NLN: variants seen among roughly 807,000 people sequenced by gnomAD.
The protein encoded by NLN is neurolysin.
NLN carries 64 observed loss-of-function variants against 79.9 expected under a neutral mutation model. That is an observed-to-expected ratio of 0.80 (90% CI 0.65 to 0.99). The LOEUF (loss-of-function observed/expected upper bound fraction) is 0.99. Among genes scored for constraint, NLN ranks in the 50% least tolerant of loss-of-function variants. The pLI is 0.00. For missense variants in NLN, 835 were observed against 858.7 expected (o/e 0.97, Z 0.34); for synonymous variants, 267 against 296.6 (o/e 0.90, Z 1.02).
intron 9 of NLN, chr5:65,792,931 C>T (rs1193517919): frequency 6.5e-6 from 3 of 462,856 alleles, no homozygotes; most frequent in Non-Finnish European, 1.2e-5. Flanking sequence ...AAATACTTTG[C>T]TTTTTCCTTT....
Position 65,822,935 on chromosome 5 carries a change from C to T in NLN, c.*20C>T, listed in dbSNP as rs762774252. Reference sequence around the variant, plus strand: ...CCGTGAACTGGGGATCTTTGGTAGCCGTCCATGTCTGGAGGACAAGTCGAC... The same window carrying T: ...CCGTGAACTGGGGATCTTTGGTAGCTGTCCATGTCTGGAGGACAAGTCGAC... On this transcript the variant is annotated 3_prime_UTR_variant, in exon 13 of 13. Coordinates refer to ENST00000380985, the MANE Select transcript of NLN (RefSeq NM_020726.5). The T allele has an allele frequency of 5.0e-6, 8 of 1,608,646 alleles. No individual in the cohort carries two copies. In the Admixed American group the frequency reaches 5.0e-5, roughly 10 times the overall value.
At chr5:65,777,083 G>T (rs759424939) in intron 3 of NLN, among the ~76,000 whole-genome samples, 9 of 152,316 alleles carry the variant, frequency 5.9e-5, no homozygotes, top group Non-Finnish European at 1.0e-4. Flanking sequence ...TTTGTGGTAA[G>T]AAATATGTTT....
intron 4 of NLN, among the ~76,000 whole-genome samples, chr5:65,779,243 C>T (rs1012013602): frequency 2.6e-5 from 4 of 152,252 alleles, no homozygotes; most frequent in South Asian, 2.1e-4. Flanking sequence ...CAAGAATTTG[C>T]GTTTCTAACA....
rs1760828428 is a variant in NLN at position 65,822,718 on chromosome 5, A to T, written c.1981-63A>T. 2.4e-6 allele frequency: 3 copies of T among 1,268,188 alleles called. No individual in the cohort carries two copies. In the East Asian group the frequency reaches 6.9e-5, roughly 29 times the overall value. The allele number at this position is 1,268,188 out of a possible 1,614,324, so 78.6% of individuals were successfully genotyped here. A position where few individuals can be genotyped will look rare whatever the true frequency, so the allele number is the denominator to read the frequency against. On this transcript the variant is annotated intron_variant, in intron 12 of 12. Coordinates refer to ENST00000380985, the MANE Select transcript of NLN (RefSeq NM_020726.5). ...TCACCCCTACCCTCTCCTCTTTTGC[A>T]TCTAGAGATTTGGAAAATTGCTAGA...
intron 11 of NLN, among the ~76,000 whole-genome samples, chr5:65,811,527 T>A (rs535712674): frequency 6.6e-6 from 1 of 151,670 alleles, no homozygotes; most frequent in South Asian, 2.1e-4. Flanking sequence ...GGTGAAAAGT[T>A]CTTTTTCAGG....
intron 3 of NLN, among the ~76,000 whole-genome samples, chr5:65,776,898 A>G (rs1162807216): frequency 6.6e-6 from 1 of 152,202 alleles, no homozygotes; most frequent in Non-Finnish European, 1.5e-5. Context: ...AAATGACAGT[A>G]AGGCATTTTT....
intron 2 of NLN, among the ~76,000 whole-genome samples, chr5:65,761,532 T>A (rs564933596): frequency 9.9e-4 from 151 of 152,250 alleles, no homozygotes; most frequent in African/African-American, 3.2e-3. Flanking sequence ...CCTCAGATGA[T>A]CCACCTGCCT....
At chr5:65,822,532 T>C (rs1760825457) in intron 12 of NLN, among the ~76,000 whole-genome samples, 1 of 152,232 alleles carries the variant, frequency 6.6e-6, no homozygotes, top group Admixed American at 6.5e-5. Flanking sequence ...GTCAGCTCAC[T>C]GCTTAGAATC....
At chr5:65,758,889 T>C in intron 2 of NLN, 63 bp downstream of exon 2, 1 of 1,434,012 alleles carries the variant, frequency 7.0e-7, no homozygotes, top group Non-Finnish European at 9.6e-7. Flanking sequence ...CATTTCATGC[T>C]TTCTGTCTTT....
In NLN at chr5:65,810,074, T is replaced by C. The variant is rs1760510472; in HGVS notation, c.1752T>C (p.Val584=). The change falls in exon 11 of 13, where the codon GTT becomes GTC. Residue 584 remains valine (V), a synonymous_variant. Transcript: ENST00000380985. ...LTLRQIVLSK[V]DQSLHTNTSL... Reference sequence around the variant, plus strand: ...TGCGCCAGATTGTTTTGAGCAAAGTTGATCAGTCTCTTCATACCAACACAT... The same window carrying C: ...TGCGCCAGATTGTTTTGAGCAAAGTCGATCAGTCTCTTCATACCAACACAT... 2 of 1,613,996 alleles carry C rather than the reference T, an allele frequency of 1.2e-6. No individual in the cohort carries two copies. Among genetic ancestry groups the C allele is most frequent in the African/African-American group, 2.7e-5 (2 of 74,946 alleles).
chr5:65,727,242 A>G (rs998415234), intron 1 of NLN, among the ~76,000 whole-genome samples: 3 of 152,282 alleles, frequency 2.0e-5, no homozygotes, highest in African/African-American at 7.2e-5. Context: ...ATCATGGCTC[A>G]CTGCGGTCTC....
At chr5:65,760,313 A>T (rs1759311520) in intron 2 of NLN, among the ~76,000 whole-genome samples, 2 of 152,168 alleles carry the variant, frequency 1.3e-5, no homozygotes, top group Admixed American at 6.5e-5. Context: ...TCTCAATCTT[A>T]TTACACGTCT....
At chr5:65,745,902 G>A (rs1758966668) in intron 1 of NLN, among the ~76,000 whole-genome samples, 1 of 152,316 alleles carries the variant, frequency 6.6e-6, no homozygotes, top group South Asian at 2.1e-4. Context: ...GTACATACTG[G>A]TGATCGTCCT....
chr5:65,757,234 TAGAAG>T (rs1473269178), intron 1 of NLN, among the ~76,000 whole-genome samples: 2 of 152,168 alleles, frequency 1.3e-5, no homozygotes, highest in Non-Finnish European at 2.9e-5. Context: ...ATTGCTTTAT[TAGAAG>T]AGAATACAGT....
chr5:65,769,707 G>A (rs536073477), intron 3 of NLN, among the ~76,000 whole-genome samples: 2 of 152,276 alleles, frequency 1.3e-5, no homozygotes, highest in South Asian at 4.1e-4. Context: ...ATATAACCTT[G>A]ATTCCAATCT....
intron 1 of NLN, among the ~76,000 whole-genome samples, chr5:65,725,655 A>G (rs1483459360): frequency 1.3e-5 from 2 of 152,228 alleles, no homozygotes; most frequent in South Asian, 2.1e-4. Flanking sequence ...CCAAAATTCT[A>G]GTTTTCACTT....
intron 1 of NLN, among the ~76,000 whole-genome samples, chr5:65,731,960 A>G (rs958638175): frequency 6.6e-6 from 1 of 151,890 alleles, no homozygotes; most frequent in Non-Finnish European, 1.5e-5. Flanking sequence ...CATGTTGCCC[A>G]GGCTGATCTC....
intron 8 of NLN, among the ~76,000 whole-genome samples, 171 bp downstream of exon 8, chr5:65,788,655 G>A (rs572931520): frequency 6.6e-6 from 1 of 152,240 alleles, no homozygotes; most frequent in South Asian, 2.1e-4. Flanking sequence ...GGGCAACATA[G>A]TGAGGCCCTG....
At chr5:65,769,046 G>A (rs1445500347) in intron 3 of NLN, among the ~76,000 whole-genome samples, 1 of 152,230 alleles carries the variant, frequency 6.6e-6, no homozygotes, top group Non-Finnish European at 1.5e-5. Context: ...AGGATGGTAG[G>A]ACTTCTTTCA....
Sources: gnomAD v4.1 joint callset for allele counts (sites outside exome capture counted in the v4.1 genomes callset) on GRCh38, gnomAD v4.1.1 for gene constraint, MANE v1.5 for transcripts, NCBI Gene and HGNC (gene_info 2026-07-23, HGNC 2026-07-21) for gene names.